Variants in RAB5IF observed in about 807,000 individuals in gnomAD.
RAB5IF encodes the protein RAB5 interacting factor.
A neutral mutation model predicts 20.3 loss-of-function variants in RAB5IF; 15 were observed. The observed-to-expected ratio is 0.74, with a 90% CI of 0.50 to 1.14. The LOEUF (loss-of-function observed/expected upper bound fraction) is 1.14, where lower values mean the gene tolerates loss of function less well. Ranked by LOEUF, RAB5IF falls within the 50% of genes most tolerant of loss-of-function variation. The pLI, the probability that RAB5IF is intolerant of heterozygous loss-of-function variation, is 0.00. For synonymous variants in RAB5IF, 67 were observed against 63.7 expected (o/e 1.05, Z -0.25); for missense variants, 148 against 159.5 (o/e 0.93, Z 0.39).
intron 2 of RAB5IF, among the ~76,000 whole-genome samples, chr20:36,609,249 ACACACACT>A (rs2039042853): frequency 7.4e-6 from 1 of 134,778 alleles, no homozygotes. Context: ...ACACACACAC[ACACACACT>A]ATATATAGAG....
intron 2 of RAB5IF, among the ~76,000 whole-genome samples, chr20:36,609,226 C>CT (rs1568595648): frequency 4.4e-4 from 54 of 123,344 alleles, no homozygotes; most frequent in African/African-American, 1.9e-3. Context: ...CACGCACACA[C>CT]ACACACACAC....
chr20:36,611,530 G>C (rs1015392150), intron 3 of RAB5IF, among the ~76,000 whole-genome samples: 8 of 144,126 alleles, frequency 5.6e-5, no homozygotes, highest in Non-Finnish European at 1.1e-4. Context: ...AAAACCTTAT[G>C]TGTCCAGACT....
intron 3 of RAB5IF, among the ~76,000 whole-genome samples, chr20:36,610,730 A>G (rs557715658): frequency 3.5e-4 from 54 of 152,238 alleles, no homozygotes; most frequent in Admixed American, 1.0e-3. Flanking sequence ...GTCCTGATAC[A>G]TGCTATATAA....
rs11643 is a variant in RAB5IF at position 36,612,500 on chromosome 20, G to C, written c.*449G>C. On this transcript the variant is annotated 3_prime_UTR_variant, in exon 4 of 4. Coordinates refer to ENST00000344795, the MANE Select transcript of RAB5IF (RefSeq NM_018840.5). ...GCACAGTACATGCAGCATCTAATAA[G>C]AGTTTCCATTGTAGAATGTTTTCAC... 0.01 allele frequency: 4,927 copies of C among 473,032 alleles called. 214 individuals carry two copies. The highest frequency in any genetic ancestry group is 0.087 in the African/African-American group (4,482 of 51,608). The allele number at this position is 473,032 out of a possible 1,614,324, so 29.3% of individuals were successfully genotyped here.
intron 3 of RAB5IF, among the ~76,000 whole-genome samples, chr20:36,611,376 T>G (rs1466459780): frequency 6.6e-6 from 1 of 151,104 alleles, no homozygotes; most frequent in Admixed American, 6.6e-5. Flanking sequence ...ACAGGCAGAC[T>G]GCTTGAGTCC....
chr20:36,608,148 G>A (rs2038979168), intron 2 of RAB5IF: 1 of 364,380 alleles, frequency 2.7e-6, no homozygotes, highest in Non-Finnish European at 5.2e-6. Flanking sequence ...TGCGAGTTTG[G>A]GAAGTAGGAA....
chr20:36,606,260 G>A (rs544924860), intron 1 of RAB5IF, among the ~76,000 whole-genome samples, 195 bp downstream of exon 1: 6 of 152,354 alleles, frequency 3.9e-5, no homozygotes, highest in African/African-American at 1.4e-4. Flanking sequence ...CCGAAGGGTG[G>A]CCTAAGGATG....
intron 2 of RAB5IF, 85 bp downstream of exon 2, chr20:36,607,903 TG>T (rs2038973210): frequency 1.3e-6 from 2 of 1,579,650 alleles, no homozygotes; most frequent in African/African-American, 2.7e-5. Flanking sequence ...AGGCCATTGC[TG>T]CTCTGGAGCT....
intron 3 of RAB5IF, among the ~76,000 whole-genome samples, chr20:36,610,520 T>G (rs1020118603): frequency 1.1e-4 from 17 of 151,222 alleles, no homozygotes; most frequent in South Asian, 2.1e-4. Context: ...GCTAACATGG[T>G]AAAACCCTGT....
intron 1 of RAB5IF, 94 bp from the exon 2 acceptor site, chr20:36,607,621 G>A: frequency 6.8e-7 from 1 of 1,460,296 alleles, no homozygotes; most frequent in South Asian, 1.2e-5. Flanking sequence ...CAAATTTCCT[G>A]GATATGTTTA....
intron 1 of RAB5IF, among the ~76,000 whole-genome samples, chr20:36,606,724 T>C (rs1446528597): frequency 6.6e-6 from 1 of 152,188 alleles, no homozygotes; most frequent in Non-Finnish European, 1.5e-5. Flanking sequence ...CGAGAATTGG[T>C]TGGGACTTCA....
At chr20:36,607,320 C>G (rs1172147029) in intron 1 of RAB5IF, among the ~76,000 whole-genome samples, 1 of 151,154 alleles carries the variant, frequency 6.6e-6, no homozygotes, top group Non-Finnish European at 1.5e-5. Context: ...CCTCCACCTC[C>G]CAGGTTCAAG....
chr20:36,606,140 C>G, intron 1 of RAB5IF, 75 bp downstream of exon 1: 3 of 926,166 alleles, frequency 3.2e-6, no homozygotes, highest in Admixed American at 3.2e-5. Context: ...TGGCGCGGGC[C>G]TGCCCTCGTC....
chr20:36,612,124 T>C lies in RAB5IF; in HGVS notation c.*73T>C, dbSNP rs746447467. ...TGATTACAGCACAGGAACTTGATCG[T>C]TGGGGAACCCCAGCCCCTTGGAACT... On this transcript the variant is annotated 3_prime_UTR_variant, in exon 4 of 4. Coordinates refer to ENST00000344795, the MANE Select transcript of RAB5IF (RefSeq NM_018840.5). 1.4e-5 allele frequency: 23 copies of C among 1,614,090 alleles called. No individual in the cohort carries two copies. The highest frequency in any genetic ancestry group is 5.3e-5 in the African/African-American group (4 of 74,922).
rs1555790838 is a variant in RAB5IF, at chr20:36,609,219, GCA to G, written c.219-346_219-345del. 1.8e-3 allele frequency among the ~76,000 whole-genome samples: 77 copies of G among 42,820 alleles called. 6 individuals are homozygous for G. Among genetic ancestry groups the G allele is most frequent in the Middle Eastern group, 0.022 (2 of 90 alleles). 28.1% of individuals were successfully genotyped at this position (42,820 alleles called of 152,430 possible). A position where few individuals can be genotyped will look rare whatever the true frequency, so the allele number is the denominator to read the frequency against. On this transcript the variant is annotated intron_variant, in intron 2 of 3. Transcript: ENST00000344795. ...CGCACACACGCACACACGCACACAC[GCA>G]CACACACACACACACACACACACAC... is the stretch of plus-strand genomic sequence containing the variant.
chr20:36,610,156 C>T (rs1185293175), intron 3 of RAB5IF, among the ~76,000 whole-genome samples: 2 of 151,728 alleles, frequency 1.3e-5, no homozygotes, highest in East Asian at 1.9e-4. Context: ...TAGTGGCGGG[C>T]GCCTGTAATC....
At chr20:36,609,157 A>T (rs2039010212) in intron 2 of RAB5IF, among the ~76,000 whole-genome samples, 1 of 3,570 alleles carries the variant, frequency 2.8e-4, no homozygotes. Flanking sequence ...GAACTATATT[A>T]CACACACACA....
intron 3 of RAB5IF, 90 bp downstream of exon 3, chr20:36,609,820 T>C (rs933043749): frequency 6.2e-7 from 1 of 1,611,320 alleles, no homozygotes; most frequent in African/African-American, 1.3e-5. Context: ...AGTTACACTG[T>C]GTGAGCAGGG....
In RAB5IF at chr20:36,612,018, G is replaced by GATC. The variant is rs775836719; in HGVS notation, c.361_363dup (p.Ile121dup). 3 of 1,614,142 alleles carry GATC rather than the reference G, an allele frequency of 1.9e-6. No homozygotes were observed. On this transcript the variant is annotated inframe_insertion, in exon 4 of 4. Coordinates refer to ENST00000344795, the MANE Select transcript of RAB5IF (RefSeq NM_018840.5). ...GCTTGTCTCCTCACTAGGTCATTTG[G>GATC]ATCATCTTTTACACTGCCATCCATT...
Sources: allele counts gnomAD v4.1 joint callset (sites outside exome capture counted in the v4.1 genomes callset), GRCh38; gene constraint gnomAD v4.1.1; transcripts MANE v1.5; gene names NCBI Gene and HGNC (gene_info 2026-07-23, HGNC 2026-07-21).